The following LZTS1 variants were observed in gnomAD, a reference collection of about 807,000 sequenced individuals.
LZTS1 encodes leucine zipper tumor suppressor 1.
Under a neutral mutation model 45.8 loss-of-function variants are expected in LZTS1, and 31 were observed. The observed-to-expected ratio is 0.68, with a 90% CI of 0.51 to 0.91. LZTS1 has a LOEUF of 0.91. LZTS1 is among the 40% of genes least tolerant of loss of function. The pLI, the probability that LZTS1 is intolerant of heterozygous loss-of-function variation, is 0.00. For synonymous variants in LZTS1, 359 were observed against 357.3 expected (o/e 1.00, Z -0.05); for missense variants, 821 against 788.9 (o/e 1.04, Z -0.49).
chr8:20,294,187 C>A (rs184579488), intron 1 of LZTS1, among the ~76,000 whole-genome samples: 11 of 152,248 alleles, frequency 7.2e-5, no homozygotes, highest in Non-Finnish European at 1.5e-5. Flanking sequence ...AGTTGGAGGT[C>A]CTGTCTGCGG....
chr8:20,300,522 C>T (rs1007899723), intron 1 of LZTS1, among the ~76,000 whole-genome samples: 7 of 151,950 alleles, frequency 4.6e-5, no homozygotes, highest in Non-Finnish European at 7.4e-5. Context: ...TTAGTAGAGA[C>T]GGTGTTTCAC....
rs888879880 is a variant in LZTS1, at chr8:20,249,810, G to A, written c.1703C>T (p.Ala568Val). 8.1e-6 allele frequency: 13 copies of A among 1,614,000 alleles called. No homozygotes were observed. Among genetic ancestry groups the A allele is most frequent in the African/African-American group, 1.3e-5 (1 of 74,934 alleles). ...GGGCTCCCCGGCGCTGTCCCCACGTGCCAGCTGCTGCAGGGCCTTCTCCAG... is the reference window on the plus strand; with the variant it reads ...GGGCTCCCCGGCGCTGTCCCCACGTACCAGCTGCTGCAGGGCCTTCTCCAG... ...QRLEKALQQL[A>V]RGDSAGEPLE... The change falls in exon 4 of 4, where the codon GCA becomes GTA. Residue 568 changes from alanine (A) to valine (V), a missense_variant. Ala to Val is a moderately conservative substitution (Grantham distance 64, BLOSUM62 0). Coordinates refer to ENST00000381569, the MANE Select transcript of LZTS1 (RefSeq NM_021020.5).
chr8:20,272,029 CA>C (rs1253192497), intron 1 of LZTS1, among the ~76,000 whole-genome samples: 1 of 152,236 alleles, frequency 6.6e-6, no homozygotes, highest in Non-Finnish European at 1.5e-5. Flanking sequence ...TCAATATTCA[CA>C]AGTACTTATT....
At chr8:20,301,131 A>C in intron 1 of LZTS1, among the ~76,000 whole-genome samples, 1 of 139,174 alleles carries the variant, frequency 7.2e-6, no homozygotes, top group Non-Finnish European at 1.5e-5. Flanking sequence ...AAAAAAAAAA[A>C]AAAAAAAAAA....
At chr8:20,254,785 G>T (rs894101040) in intron 2 of LZTS1, 52 bp downstream of exon 2, 4 of 1,451,498 alleles carry the variant, frequency 2.8e-6, no homozygotes, top group Non-Finnish European at 3.7e-6. Flanking sequence ...CCCCCATTTT[G>T]CTTTCTCCTG....
At chr8:20,285,401 A>T (rs1800776115) in intron 1 of LZTS1, among the ~76,000 whole-genome samples, 1 of 152,228 alleles carries the variant, frequency 6.6e-6, no homozygotes, top group Non-Finnish European at 1.5e-5. Context: ...TACTTCTCAC[A>T]ATAAATTAAT....
Position 20,301,120 on chromosome 8 carries a change from CAAAAAAAAAAAA to C in LZTS1, c.-135+2608_-135+2619del, listed in dbSNP as rs71222143. Reference sequence around the variant, plus strand: ...TGGGCGACAGAGCAAGACTCCGTCTCAAAAAAAAAAAAAAAAAAAAAAAAAGTGGGAGCCAGT... The same window carrying C: ...TGGGCGACAGAGCAAGACTCCGTCTCAAAAAAAAAAAAAGTGGGAGCCAGT... On this transcript the variant is annotated intron_variant, in intron 1 of 3. Transcript: ENST00000381569. 1.1e-3 allele frequency among the ~76,000 whole-genome samples: 120 copies of C among 107,154 alleles called. 2 individuals are homozygous for C. The highest frequency in any genetic ancestry group is 6.7e-3 in the Middle Eastern group (1 of 150). The allele number at this position is 107,154 out of a possible 152,430, so 70.3% of individuals were successfully genotyped here. A position where few individuals can be genotyped will look rare whatever the true frequency, so the allele number is the denominator to read the frequency against.
chr8:20,279,105 AC>A (rs1405198295), intron 1 of LZTS1, among the ~76,000 whole-genome samples: 1 of 152,066 alleles, frequency 6.6e-6, no homozygotes, highest in Admixed American at 6.6e-5. Context: ...GCCTGTGAAA[AC>A]CCATCCTTCA....
chr8:20,283,202 G>GT (rs1330728723), intron 1 of LZTS1, among the ~76,000 whole-genome samples: 1 of 152,196 alleles, frequency 6.6e-6, no homozygotes, highest in Non-Finnish European at 1.5e-5. Context: ...TGGTCTGAAT[G>GT]TTTGTGTCCC....
chr8:20,291,425 T>G (rs1450956116), intron 1 of LZTS1, among the ~76,000 whole-genome samples: 1 of 152,204 alleles, frequency 6.6e-6, no homozygotes, highest in African/African-American at 2.4e-5. Flanking sequence ...AGGGTGAGAC[T>G]AACATTAACT....
intron 3 of LZTS1, among the ~76,000 whole-genome samples, chr8:20,252,369 C>T (rs904000): frequency 0.32 from 49,051 of 152,084 alleles, 9,301 homozygotes; most frequent in Admixed American, 0.44. Flanking sequence ...GCAGTCCCTC[C>T]CTCCAAAGCA....
chr8:20,281,980 G>A (rs2039862788), intron 1 of LZTS1, among the ~76,000 whole-genome samples: 1 of 151,970 alleles, frequency 6.6e-6, no homozygotes, highest in African/African-American at 2.4e-5. Context: ...TATAGCCCCT[G>A]GCCACCCCCT....
At chr8:20,301,072 G>T (rs1240660656) in intron 1 of LZTS1, among the ~76,000 whole-genome samples, 2 of 141,606 alleles carry the variant, frequency 1.4e-5, no homozygotes, top group African/African-American at 5.4e-5. Context: ...GGTGAGCCAA[G>T]ATCGCACCAC....
At chr8:20,296,014 G>T (rs925292549) in intron 1 of LZTS1, among the ~76,000 whole-genome samples, 1 of 152,144 alleles carries the variant, frequency 6.6e-6, no homozygotes, top group Non-Finnish European at 1.5e-5. Context: ...GGAATATAAT[G>T]TTCGGCTGCC....
At chr8:20,257,181 C>G (rs1363967775) in intron 1 of LZTS1, among the ~76,000 whole-genome samples, 2 of 152,108 alleles carry the variant, frequency 1.3e-5, no homozygotes, top group East Asian at 3.9e-4. Context: ...GGAACCCCGT[C>G]TCTACTAAAA....
chr8:20,255,734 C>T (rs1252334875), intron 1 of LZTS1, among the ~76,000 whole-genome samples: 1 of 152,050 alleles, frequency 6.6e-6, no homozygotes, highest in African/African-American at 2.4e-5. Flanking sequence ...CTGTTTTATG[C>T]AGGAAGGTCT....
At chr8:20,297,763 A>G (rs1801002358) in intron 1 of LZTS1, among the ~76,000 whole-genome samples, 1 of 152,178 alleles carries the variant, frequency 6.6e-6, no homozygotes, top group Non-Finnish European at 1.5e-5. Flanking sequence ...ACAAGCACTT[A>G]GGGAAAAGGG....
At position 20,254,999 on chromosome 8, in the gene LZTS1, C is replaced by G; in HGVS notation, c.183G>C (p.Lys61Asn). 6.2e-7 allele frequency: 1 copy of G among 1,614,226 alleles called. No individual in the cohort carries two copies. The highest frequency in any genetic ancestry group is 8.5e-7 in the Non-Finnish European group (1 of 1,180,020). The part of the protein sequence containing the change: ...GHGKSSSKMG[K>N]SEDFFYIKVS... ...CCTTGATGTAGAAGAAGTCTTCGCT[C>G]TTGCCCATTTTGGAGCTGGACTTGC... The change falls in exon 2 of 4, where the codon AAG (lysine) becomes AAC (asparagine). Residue 61 changes from lysine (K) to asparagine (N), a missense_variant. Transcript: ENST00000381569.
At chr8:20,250,512 C>A in intron 3 of LZTS1, 149 bp from the exon 4 acceptor site, 1 of 688,066 alleles carries the variant, frequency 1.5e-6, no homozygotes, top group Non-Finnish European at 2.4e-6. Context: ...TGAAAGTAAG[C>A]TGAACATTGC....
Sources: allele counts gnomAD v4.1 joint callset (sites outside exome capture counted in the v4.1 genomes callset), GRCh38; gene constraint gnomAD v4.1.1; transcripts MANE v1.5; gene names NCBI Gene and HGNC (gene_info 2026-07-23, HGNC 2026-07-21).